The following UBN1 variants were observed in gnomAD, a reference collection of about 807,000 sequenced individuals.
UBN1 encodes ubinuclein 1.
Under a neutral mutation model 108.5 loss-of-function variants are expected in UBN1, and 17 were observed. The ratio of observed to expected loss-of-function variants is 0.16; its 90% CI spans 0.11 to 0.24. UBN1 has a LOEUF of 0.24. Ranked by LOEUF, UBN1 falls within the 10% of genes least tolerant of loss-of-function variation. The pLI is 1.00. For missense variants in UBN1, 1,595 were observed against 1,394.4 expected (o/e 1.14, Z -2.29); for synonymous variants, 726 against 564.2 (o/e 1.29, Z -4.07).
chr16:4,870,382 T>G, intron 9 of UBN1, 41 bp downstream of exon 9: 2 of 1,612,340 alleles, frequency 1.2e-6, no homozygotes, highest in Non-Finnish European at 1.7e-6. Context: ...TTTGGGGTCC[T>G]GGCGGAGGGG....
intron 1 of UBN1, among the ~76,000 whole-genome samples, chr16:4,848,947 C>G (rs549373628): frequency 4.6e-5 from 7 of 152,002 alleles, no homozygotes; most frequent in Non-Finnish European, 8.8e-5. Context: ...ACTAAAAATA[C>G]AAAATTAGCC....
chr16:4,863,514 A>G (rs919027179), intron 7 of UBN1, among the ~76,000 whole-genome samples: 17 of 152,208 alleles, frequency 1.1e-4, no homozygotes, highest in Non-Finnish European at 2.4e-4. Flanking sequence ...AGATCTTGAA[A>G]TGGACATCGC....
intron 7 of UBN1, among the ~76,000 whole-genome samples, chr16:4,864,008 G>A (rs73517061): frequency 0.18 from 27,679 of 151,394 alleles, 2,751 homozygotes; most frequent in Admixed American, 0.25. Flanking sequence ...GAGCTAGGGT[G>A]CACCTCTTTG....
chr16:4,870,362 G>A (rs776372245), intron 9 of UBN1, 21 bp downstream of exon 9: 12 of 1,613,410 alleles, frequency 7.4e-6, no homozygotes, highest in Non-Finnish European at 1.0e-5. Context: ...CTAGAGTGAA[G>A]CCCTTTGGCT....
At chr16:4,849,160 G>A (rs1307278387) in intron 1 of UBN1, among the ~76,000 whole-genome samples, 1 of 152,060 alleles carries the variant, frequency 6.6e-6, no homozygotes, top group Non-Finnish European at 1.5e-5. Flanking sequence ...AAAACCTAGA[G>A]GCATTCCCCT....
rs574113527 is a variant in UBN1, at chr16:4,852,836, T to C, written c.-39-43T>C. ...CTTTAATTAGGCAGGTAAACTATTT[T>C]ATCATCTTCGTTTGACCTGGCCCTT... On this transcript the variant is annotated intron_variant, in intron 1 of 17. Coordinates refer to ENST00000262376, the MANE Select transcript of UBN1 (RefSeq NM_001079514.3). 3 of 1,497,400 alleles carry C rather than the reference T, an allele frequency of 2.0e-6. No homozygotes were observed. In the South Asian group the frequency reaches 4.1e-5, roughly 20 times the overall value. The allele number at this position is 1,497,400 out of a possible 1,614,324, so 92.8% of individuals were successfully genotyped here.
Position 4,871,149 on chromosome 16 carries a change from T to C in UBN1, c.1560-6T>C, listed in dbSNP as rs557629298. 104 of 1,613,774 alleles carry C rather than the reference T, an allele frequency of 6.4e-5. 1 individual carries two copies. The South Asian group carries it at 8.1e-4, about 13-fold the overall frequency. On this transcript the variant is annotated splice_polypyrimidine_tract_variant and splice_region_variant and intron_variant, in intron 11 of 17. Transcript: ENST00000262376. The stretch of plus-strand genomic sequence containing the variant: ...TTGGAGTTTCTGATTTCTGCCTCCT[T>C]CTCAGGGAGCTACTGTGCCAGGTGG...
intron 7 of UBN1, among the ~76,000 whole-genome samples, chr16:4,865,919 G>A (rs1468833849): frequency 6.6e-6 from 1 of 152,178 alleles, no homozygotes; most frequent in African/African-American, 2.4e-5. Context: ...CTGAGATCAC[G>A]CCATTGCACT....
intron 11 of UBN1, 74 bp downstream of exon 11, chr16:4,871,046 C>G: frequency 3.1e-6 from 5 of 1,604,342 alleles, no homozygotes; most frequent in Non-Finnish European, 4.3e-6. Flanking sequence ...CTATTGCTGA[C>G]AAAGGTTAGG....
At chr16:4,857,869 A>C in intron 2 of UBN1, 121 bp from the exon 3 acceptor site, 1 of 716,104 alleles carries the variant, frequency 1.4e-6, no homozygotes, top group Non-Finnish European at 2.4e-6. Context: ...CATGTTTTCT[A>C]CCTTGCCCTT....
In UBN1 at chr16:4,870,338, A is replaced by G. The variant is rs748252275; in HGVS notation, c.1308A>G (p.Glu436=). 1.8e-5 allele frequency: 29 copies of G among 1,613,962 alleles called. No homozygotes were observed. Among genetic ancestry groups the G allele is most frequent in the Middle Eastern group, 1.6e-4 (1 of 6,084 alleles). ...LKRARKLHLY[E]QGGRLKEPLQ... is the part of the protein sequence containing the mutation. ...GTGCTCGGAAACTTCACCTCTATGA[A>G]CAGGTGGGTGACTCTAGAGTGAAGC... Residue 436 remains glutamate (E), a synonymous_variant, in exon 9 of 18, where the codon GAA becomes GAG. Coordinates refer to ENST00000262376, the MANE Select transcript of UBN1 (RefSeq NM_001079514.3).
chr16:4,849,125 A>G (rs1273043871), intron 1 of UBN1, among the ~76,000 whole-genome samples: 1 of 152,198 alleles, frequency 6.6e-6, no homozygotes, highest in African/African-American at 2.4e-5. Context: ...AAAAAGAAAA[A>G]AAAATCTCAA....
At chr16:4,852,295 A>T (rs1323239483) in intron 1 of UBN1, 1 of 152,186 alleles carries the variant, frequency 6.6e-6, no homozygotes, top group East Asian at 1.9e-4. Flanking sequence ...GGCATGTCAT[A>T]ATTTGTTATT....
chr16:4,855,177 T>A (rs1479988165), intron 2 of UBN1, among the ~76,000 whole-genome samples: 1 of 152,178 alleles, frequency 6.6e-6, no homozygotes, highest in East Asian at 1.9e-4. Flanking sequence ...GTTGTCTGAG[T>A]GTGGAACGAG....
chr16:4,871,862 A>G (rs1047852022), intron 12 of UBN1, among the ~76,000 whole-genome samples: 1 of 152,168 alleles, frequency 6.6e-6, no homozygotes, highest in African/African-American at 2.4e-5. Context: ...CTGGGATTAC[A>G]GGCGTGAGCC....
intron 4 of UBN1, 77 bp from the exon 5 acceptor site, chr16:4,858,948 T>C (rs1333895721): frequency 1.3e-6 from 2 of 1,552,848 alleles, no homozygotes; most frequent in East Asian, 2.2e-5. Context: ...CACAGTCACA[T>C]CTCTCTCGAG....
In UBN1 at chr16:4,875,217, G is replaced by A. The variant is rs777744377; in HGVS notation, c.2807G>A (p.Gly936Asp). The A allele has an allele frequency of 6.2e-7, 1 of 1,614,216 alleles. No homozygotes were observed. Among genetic ancestry groups the A allele is most frequent in the South Asian group, 1.1e-5 (1 of 91,084 alleles). ...QSSVSGSLVPGIQPPSVGQAT... is the reference protein window; with the variant it reads ...QSSVSGSLVPDIQPPSVGQAT... ...TCTGTTTCTGGGAGCCTGGTCCCTG[G>A]CATACAGCCTCCCTCCGTGGGACAG... The change falls in exon 15 of 18, where the codon GGC becomes GAC. Residue 936 changes from glycine (G) to aspartate (D), a missense_variant. Around this residue, in one of 3 missense-constraint regions of UBN1, gnomAD observed 1,398 missense variants for 1,194.7 expected, o/e 1.17. Transcript: ENST00000262376.
chr16:4,849,005 G>A (rs1412512286), intron 1 of UBN1, among the ~76,000 whole-genome samples: 1 of 152,190 alleles, frequency 6.6e-6, no homozygotes, highest in East Asian at 1.9e-4. Context: ...GGAGGCTGAG[G>A]CAGGAGAATC....
intron 2 of UBN1, among the ~76,000 whole-genome samples, chr16:4,854,000 C>T (rs1196218028): frequency 2.0e-5 from 3 of 152,128 alleles, no homozygotes; most frequent in Non-Finnish European, 2.9e-5. Flanking sequence ...AACCACTGCC[C>T]TGATTTCTAA....
Sources: allele counts gnomAD v4.1 joint callset (sites outside exome capture counted in the v4.1 genomes callset), GRCh38; gene constraint gnomAD v4.1.1; regional missense constraint gnomAD v4.1.1; transcripts MANE v1.5; gene names NCBI Gene and HGNC (gene_info 2026-07-23, HGNC 2026-07-21).